TLK2: variants seen among roughly 807,000 people sequenced by gnomAD.
The protein encoded by TLK2 is serine/threonine-protein kinase tousled-like 2.
In TLK2, 6 loss-of-function variants were observed where a neutral mutation model predicts 117.3. The observed-to-expected ratio is 0.05, with a 90% confidence interval of 0.03 to 0.10. TLK2 has a LOEUF of 0.10. Ranked by LOEUF, TLK2 falls within the 10% of genes least tolerant of loss-of-function variation. The pLI, the probability that TLK2 is intolerant of heterozygous loss-of-function variation, is 1.00. For synonymous variants in TLK2, 257 were observed against 316.7 expected (o/e 0.81, Z 2.00); for missense variants, 299 against 901.2 (o/e 0.33, Z 8.56).
At chr17:62,540,126 C>CA (rs2077411798) in intron 7 of TLK2, among the ~76,000 whole-genome samples, 2 of 129,712 alleles carry the variant, frequency 1.5e-5, no homozygotes, top group Non-Finnish European at 3.2e-5. Flanking sequence ...TTAATAGAGA[C>CA]AGAGTATTAG....
chr17:62,490,703 A>T (rs1051691474), intron 2 of TLK2, among the ~76,000 whole-genome samples: 2 of 151,952 alleles, frequency 1.3e-5, no homozygotes. Context: ...CACCGCACGC[A>T]GCTAATTTTT....
At chr17:62,517,325 T>C (rs4968734) in intron 2 of TLK2, among the ~76,000 whole-genome samples, 50,118 of 152,172 alleles carry the variant, frequency 0.33, 8,427 homozygotes, top group Admixed American at 0.39. Context: ...TCCATTGATA[T>C]CTGTCTGTCT....
At chr17:62,573,841 A>G (rs111784035) in intron 12 of TLK2, among the ~76,000 whole-genome samples, 7 of 152,198 alleles carry the variant, frequency 4.6e-5, no homozygotes, top group Non-Finnish European at 7.3e-5. Context: ...CATTGTCCCA[A>G]TAAGCCACAA....
chr17:62,477,084 C>CT (rs1420207422), upstream of TLK2, among the ~76,000 whole-genome samples: 1 of 151,796 alleles, frequency 6.6e-6, no homozygotes, highest in Non-Finnish European at 1.5e-5. Context: ...GAGCGAGACT[C>CT]TGTCTCAAAA....
upstream of TLK2, chr17:62,477,361 C>T (rs761272164): frequency 2.6e-5 from 4 of 152,162 alleles, no homozygotes; most frequent in Non-Finnish European, 5.9e-5. Flanking sequence ...TCCAACTTCC[C>T]AAGCAGTCTG....
chr17:62,562,401 A>G (rs562931975), intron 10 of TLK2, among the ~76,000 whole-genome samples: 27 of 152,320 alleles, frequency 1.8e-4, no homozygotes, highest in African/African-American at 6.0e-4. Context: ...ATAGAGTGCA[A>G]TGTTATCTTT....
intron 2 of TLK2, among the ~76,000 whole-genome samples, chr17:62,508,168 G>T (rs200160836): frequency 5.0e-4 from 63 of 125,706 alleles, no homozygotes; most frequent in Middle Eastern, 4.7e-3. Context: ...AAATTTCCTA[G>T]TTTTTTTTTT....
At chr17:62,603,546 G>GT (rs1182850318) in intron 19 of TLK2, among the ~76,000 whole-genome samples, 7 of 151,714 alleles carry the variant, frequency 4.6e-5, no homozygotes, top group Non-Finnish European at 4.4e-5. Context: ...TTAAGGCACA[G>GT]TTTTTTTGCA....
At chr17:62,489,146 C>T (rs1197751639) in intron 2 of TLK2, among the ~76,000 whole-genome samples, 3 of 150,658 alleles carry the variant, frequency 2.0e-5, no homozygotes, top group South Asian at 2.1e-4. Flanking sequence ...ACAATTCACA[C>T]GCCATTGCTG....
At chr17:62,580,418 A>C (rs541047682) in intron 15 of TLK2, among the ~76,000 whole-genome samples, 7 of 148,568 alleles carry the variant, frequency 4.7e-5, no homozygotes, top group Non-Finnish European at 1.0e-4. Context: ...TTATAGATTT[A>C]AAAAACAAGA....
chr17:62,492,572 C>T (rs1419925157), intron 2 of TLK2, among the ~76,000 whole-genome samples: 2 of 152,018 alleles, frequency 1.3e-5, no homozygotes, highest in African/African-American at 4.8e-5. Flanking sequence ...ATTCTCCTGC[C>T]TCAGCTTCCC....
chr17:62,492,825 C>G (rs2073241568), intron 2 of TLK2, among the ~76,000 whole-genome samples: 1 of 151,824 alleles, frequency 6.6e-6, no homozygotes, highest in African/African-American at 2.4e-5. Context: ...AGGCCAGGCA[C>G]AATGGTTCAA....
chr17:62,473,907 CT>C (rs1274915865), upstream of TLK2, among the ~76,000 whole-genome samples: 3 of 151,646 alleles, frequency 2.0e-5, no homozygotes, highest in African/African-American at 4.8e-5. Flanking sequence ...TTTTTCTTTT[CT>C]TTTTTTTGAG....
intron 1 of TLK2, among the ~76,000 whole-genome samples, chr17:62,472,599 G>A (rs2070962868): frequency 6.6e-6 from 1 of 152,104 alleles, no homozygotes; most frequent in African/African-American, 2.4e-5. Flanking sequence ...TTAGCTGGGC[G>A]AGGTGGCACG....
At chr17:62,604,770 G>A (rs1488576894) in intron 19 of TLK2, among the ~76,000 whole-genome samples, 2 of 151,610 alleles carry the variant, frequency 1.3e-5, no homozygotes, top group Non-Finnish European at 2.9e-5. Flanking sequence ...TTAGCTGGGC[G>A]TGGTGGTGCA....
At position 62,522,441 on chromosome 17, in the gene TLK2, C is replaced by T. The variant is rs188186562; in HGVS notation, c.223+168C>T. ...TATTACAGACTTGCCATTTGGTATA[C>T]ACCTGACAGAACAGTGTTAGTTCTT... is the stretch of plus-strand genomic sequence containing the variant. On this transcript the variant is annotated intron_variant, in intron 4 of 21. Coordinates refer to ENST00000346027, the MANE Select transcript of TLK2 (RefSeq NM_006852.6). 6.6e-4 allele frequency among the ~76,000 whole-genome samples: 101 copies of T among 152,338 alleles called. No individual in the cohort carries two copies. In the East Asian group the frequency reaches 8.1e-3, roughly 12 times the overall value.
At chr17:62,486,201 G>A (rs575766341) in intron 2 of TLK2, among the ~76,000 whole-genome samples, 2 of 151,804 alleles carry the variant, frequency 1.3e-5, no homozygotes, top group Admixed American at 6.6e-5. Flanking sequence ...CTGTCACCTG[G>A]GCTAGAGTGC....
At position 62,523,154 on chromosome 17, in the gene TLK2, C is replaced by T. The variant is rs1314263536; in HGVS notation, c.244C>T (p.His82Tyr). 6.3e-6 allele frequency: 10 copies of T among 1,599,660 alleles called. No homozygotes were observed. Among genetic ancestry groups the T allele is most frequent in the Non-Finnish European group, 8.5e-6 (10 of 1,176,362 alleles). Reference sequence around the variant, plus strand: ...TTCAGGGAAAGGCACTCCTAGGGGACATAAAATTAGTGATTACTTTGAGGT... The same window carrying T: ...TTCAGGGAAAGGCACTCCTAGGGGATATAAAATTAGTGATTACTTTGAGGT... Reference protein sequence around the residue: ...TSQGKGTPRGHKISDYFEFAG... With the variant: ...TSQGKGTPRGYKISDYFEFAG... The change falls in exon 5 of 22, where the codon CAT becomes TAT. Residue 82 changes from histidine to tyrosine, a missense_variant. His to Tyr is a moderately conservative substitution (Grantham distance 83). Coordinates refer to ENST00000346027, the MANE Select transcript of TLK2 (RefSeq NM_006852.6).
intron 7 of TLK2, among the ~76,000 whole-genome samples, chr17:62,537,028 G>T (rs2145853582): frequency 6.6e-6 from 1 of 152,306 alleles, no homozygotes; most frequent in East Asian, 1.9e-4. Flanking sequence ...TTGTTGCCAA[G>T]GGTGCCAGAG....
Sources: gnomAD v4.1 joint callset for allele counts (sites outside exome capture counted in the v4.1 genomes callset) on GRCh38, gnomAD v4.1.1 for gene constraint, MANE v1.5 for transcripts, NCBI Gene and HGNC (gene_info 2026-07-23, HGNC 2026-07-21) for gene names.